Variants in FKBP5 observed in about 807,000 individuals in gnomAD.
FKBP5 encodes FKBP prolyl isomerase 5, also known as peptidyl-prolyl cis-trans isomerase FKBP5.
In FKBP5, 23 loss-of-function variants were observed where a neutral mutation model predicts 50.5. The ratio of observed to expected loss-of-function variants is 0.46; its 90% CI spans 0.33 to 0.65. The LOEUF (loss-of-function observed/expected upper bound fraction) is 0.65, where lower values mean the gene tolerates loss of function less well. FKBP5 is among the 30% of genes least tolerant of loss of function. The probability of loss-of-function intolerance (pLI) is 0.02; values close to 1 mark genes in which losing one functional copy is unlikely to be tolerated. For missense variants in FKBP5, 411 were observed against 553.1 expected (o/e 0.74, Z 2.58); for synonymous variants, 176 against 190.6 (o/e 0.92, Z 0.63).
intron 1 of FKBP5, among the ~76,000 whole-genome samples, chr6:35,662,276 C>CTT (rs35904480): frequency 2.9e-5 from 4 of 138,854 alleles, no homozygotes; most frequent in African/African-American, 8.0e-5. Context: ...ATTTACGTGT[C>CTT]TTTTTTTTTT....
At chr6:35,591,021 T>C (rs972744221) in intron 7 of FKBP5, 109 bp downstream of exon 7, 10 of 637,200 alleles carry the variant, frequency 1.6e-5, no homozygotes, top group Non-Finnish European at 2.7e-5. Context: ...AACTTGATAA[T>C]GAATAAACAC....
chr6:35,587,238 G>C lies in FKBP5; in HGVS notation c.757-121C>G, dbSNP rs1762629181. 3.4e-6 allele frequency: 3 copies of C among 874,258 alleles called. No homozygotes were observed. The South Asian group carries it at 4.6e-5, about 13-fold the overall frequency. The allele number at this position is 874,258 out of a possible 1,614,324, so 54.2% of individuals were successfully genotyped here. A position where few individuals can be genotyped will look rare whatever the true frequency, so the allele number is the denominator to read the frequency against. On this transcript the variant is annotated intron_variant, in intron 7 of 10. Coordinates refer to ENST00000357266, the MANE Select transcript of FKBP5 (RefSeq NM_004117.4). ...CCAAACTGAAAACACTCTGGCTGTT[G>C]AAATTGTGTGTCAGTGCCAATTTAC...
chr6:35,721,974 T>C (rs1205858706), intron 1 of FKBP5, among the ~76,000 whole-genome samples: 1 of 152,194 alleles, frequency 6.6e-6, no homozygotes, highest in African/African-American at 2.4e-5. Flanking sequence ...TGCTGTGCTG[T>C]TCCCTGTGCC....
At chr6:35,702,456 A>G (rs1766206941) in intron 2 of FKBP5, among the ~76,000 whole-genome samples, 1 of 142,194 alleles carries the variant, frequency 7.0e-6, no homozygotes, top group African/African-American at 2.6e-5. Context: ...ATAAACTTTG[A>G]TTTTTTTTTT....
Position 35,594,524 on chromosome 6 carries a change from A to G in FKBP5, c.665+2724T>C, listed in dbSNP as rs570613040. Among the ~76,000 whole-genome samples, 34 of 152,338 alleles carry G rather than the reference A, an allele frequency of 2.2e-4. 1 individual carries two copies. The South Asian group carries it at 5.4e-3, about 24-fold the overall frequency. The stretch of plus-strand genomic sequence containing the variant: ...TAGCAACATTTAGATGCAATGTTTT[A>G]TGAAAGTGGGAAGCTGAATAAAACA... On this transcript the variant is annotated intron_variant, in intron 6 of 10. Coordinates refer to ENST00000357266, the MANE Select transcript of FKBP5 (RefSeq NM_004117.4).
chr6:35,652,297 A>G (rs1178033040), intron 1 of FKBP5, among the ~76,000 whole-genome samples: 4 of 152,254 alleles, frequency 2.6e-5, no homozygotes, highest in African/African-American at 9.6e-5. Flanking sequence ...TGAAAAAAGA[A>G]CAGGATAACA....
intron 5 of FKBP5, among the ~76,000 whole-genome samples, chr6:35,616,690 G>A (rs1205738798): frequency 6.6e-6 from 1 of 152,104 alleles, no homozygotes; most frequent in Non-Finnish European, 1.5e-5. Flanking sequence ...GTAATTTTGT[G>A]ATATTGTCTA....
chr6:35,720,923 T>C (rs1276777828), intron 1 of FKBP5, among the ~76,000 whole-genome samples: 2 of 152,146 alleles, frequency 1.3e-5, no homozygotes, highest in Admixed American at 1.3e-4. Context: ...TACTCCTTAT[T>C]TACAAATTAG....
At chr6:35,589,078 TTATATA>T (rs991971659) in intron 7 of FKBP5, among the ~76,000 whole-genome samples, 1 of 137,098 alleles carries the variant, frequency 7.3e-6, no homozygotes, top group African/African-American at 2.8e-5. Context: ...GTGTATATAT[TTATATA>T]TATATTTTTA....
chr6:35,628,917 A>G (rs1427096195), intron 3 of FKBP5, among the ~76,000 whole-genome samples: 1 of 152,128 alleles, frequency 6.6e-6, no homozygotes, highest in Admixed American at 6.5e-5. Flanking sequence ...GGGTTTCACT[A>G]TGTTGGCCAG....
At chr6:35,583,828 C>T in intron 8 of FKBP5, 1 of 985,326 alleles carries the variant, frequency 1.0e-6, no homozygotes, top group Non-Finnish European at 1.2e-6. Context: ...TTTAAAACAT[C>T]AAATCCTAGA....
At chr6:35,613,850 A>C (rs1465461917) in intron 5 of FKBP5, among the ~76,000 whole-genome samples, 1 of 152,216 alleles carries the variant, frequency 6.6e-6, no homozygotes, top group Non-Finnish European at 1.5e-5. Flanking sequence ...ACATTCTAAC[A>C]AGATGAAAGA....
At chr6:35,717,370 G>A (rs1766529577) in intron 2 of FKBP5, among the ~76,000 whole-genome samples, 1 of 152,208 alleles carries the variant, frequency 6.6e-6, no homozygotes, top group East Asian at 1.9e-4. Context: ...GTGCACACGT[G>A]TGCCTGTGTG....
intron 2 of FKBP5, among the ~76,000 whole-genome samples, chr6:35,708,453 T>G (rs1479801322): frequency 6.6e-6 from 1 of 152,168 alleles, no homozygotes; most frequent in Non-Finnish European, 1.5e-5. Flanking sequence ...GCTTTCACCA[T>G]GTTGGCCAGG....
At chr6:35,690,503 C>A (rs1007598359), upstream of FKBP5, among the ~76,000 whole-genome samples, 1 of 151,356 alleles carries the variant, frequency 6.6e-6, no homozygotes, top group African/African-American at 2.4e-5. Context: ...GCAGAAAAGA[C>A]AAATAAAGCC....
Position 35,711,188 on chromosome 6 carries a change from G to A in FKBP5, c.-20+9140C>T, listed in dbSNP as rs1339828440. On this transcript the variant is annotated intron_variant, in intron 2 of 11. Transcript: ENST00000536438. ...AAAAAAAAGCCAAGAGTGGTGGCTC[G>A]CACCTGTAGTCCCAGCTACTTGGGA... Among the ~76,000 whole-genome samples the A allele has an allele frequency of 5.3e-5, 8 of 151,946 alleles. 1 individual carries two copies. The South Asian group carries it at 1.0e-3, about 20-fold the overall frequency.
chr6:35,696,511 CA>C (rs5875522), intron 2 of FKBP5, among the ~76,000 whole-genome samples: 115,753 of 133,314 alleles, frequency 0.87, 49,841 homozygotes, highest in South Asian at 0.93. Context: ...GACTCTGTCT[CA>C]AAAAAAAAAA....
In FKBP5 at chr6:35,708,823, T is replaced by C. The variant is rs7764780; in HGVS notation, c.-20+11505A>G. 9.0e-3 allele frequency among the ~76,000 whole-genome samples: 1,377 copies of C among 152,190 alleles called. 19 individuals are homozygous for C. Among genetic ancestry groups the C allele is most frequent in the African/African-American group, 0.029 (1,199 of 41,514 alleles). On this transcript the variant is annotated intron_variant, in intron 2 of 11. Coordinates refer to the FKBP5 transcript ENST00000536438. The stretch of plus-strand genomic sequence containing the variant: ...GTAATGGCAGGAGCTCAGACAGCCA[T>C]ATTGAAACATGAGGTAGAAGCCCCA...
chr6:35,615,869 A>C (rs1372513472), intron 5 of FKBP5, among the ~76,000 whole-genome samples: 1 of 152,232 alleles, frequency 6.6e-6, no homozygotes, highest in Non-Finnish European at 1.5e-5. Context: ...TAACATCACC[A>C]GTAATGAGAC....
Sources: gnomAD v4.1 joint callset for allele counts (sites outside exome capture counted in the v4.1 genomes callset) on GRCh38, gnomAD v4.1.1 for gene constraint, MANE v1.5 for transcripts, NCBI Gene and HGNC (gene_info 2026-07-23, HGNC 2026-07-21) for gene names.